The following TBC1D8 variants were observed in gnomAD, a reference collection of about 807,000 sequenced individuals.
TBC1D8 encodes TBC1 domain family member 8.
In TBC1D8, 65 loss-of-function variants were observed where a neutral mutation model predicts 118.8. The observed-to-expected ratio is 0.55, with a 90% CI of 0.45 to 0.67. The LOEUF (loss-of-function observed/expected upper bound fraction) is 0.67, where lower values mean the gene tolerates loss of function less well. Ranked by LOEUF, TBC1D8 falls within the 30% of genes least tolerant of loss-of-function variation. The pLI, the probability that TBC1D8 is intolerant of heterozygous loss-of-function variation, is 0.00. For missense variants in TBC1D8, 1,376 were observed against 1,471.2 expected, an observed-to-expected ratio of 0.94 and a Z score of 1.06; for synonymous variants, 566 against 595.8, an observed-to-expected ratio of 0.95 and a Z score of 0.73.
chr2:101,052,514 T>A (rs1290261291), intron 4 of TBC1D8, among the ~76,000 whole-genome samples: 2 of 151,596 alleles, frequency 1.3e-5, no homozygotes, highest in African/African-American at 2.4e-5. Context: ...TCTTGCTTTA[T>A]CACCCAGGCT....
intron 17 of TBC1D8, among the ~76,000 whole-genome samples, chr2:101,020,815 A>C (rs563308699): frequency 6.6e-6 from 1 of 152,296 alleles, no homozygotes; most frequent in African/African-American, 2.4e-5. Context: ...GCCAGACGTG[A>C]ATCCTCCCTT....
chr2:101,056,702 G>A (rs1003598656), intron 3 of TBC1D8, among the ~76,000 whole-genome samples: 17 of 152,146 alleles, frequency 1.1e-4, no homozygotes, highest in South Asian at 4.1e-4. Flanking sequence ...GAAGTGAGGC[G>A]TGGAGGGGTC....
At chr2:101,008,952 G>A (rs955564922) in intron 19 of TBC1D8, among the ~76,000 whole-genome samples, 1 of 152,202 alleles carries the variant, frequency 6.6e-6, no homozygotes, top group Non-Finnish European at 1.5e-5. Context: ...AGGCCATGCA[G>A]GACCTAAATG....
Position 101,014,236 on chromosome 2 carries a change from ATATTTTTCAAAATCT to A in TBC1D8, c.2828-2711_2828-2697del, listed in dbSNP as rs1446390662. ...AAGGAAGTTTATATTCTATGTTTCC[ATATTTTTCAAAATCT>A]TCTGTGGCATTTTAACTCAGGATCC... On this transcript the variant is annotated intron_variant, in intron 17 of 19. Coordinates refer to ENST00000409318, the MANE Select transcript of TBC1D8 (RefSeq NM_001330348.2). Among the ~76,000 whole-genome samples, 23 of 152,032 alleles carry A rather than the reference ATATTTTTCAAAATCT, an allele frequency of 1.5e-4. 1 individual carries two copies. The highest frequency in any genetic ancestry group is 1.1e-3 in the Admixed American group (17 of 15,262).
At chr2:101,062,148 A>G (rs1455169192) in intron 2 of TBC1D8, among the ~76,000 whole-genome samples, 31 of 152,192 alleles carry the variant, frequency 2.0e-4, no homozygotes, top group Admixed American at 2.0e-3. Flanking sequence ...GTGTCTCTCT[A>G]TCACATCACT....
chr2:101,018,072 G>T, intron 17 of TBC1D8: 1 of 775,586 alleles, frequency 1.3e-6, no homozygotes, highest in Non-Finnish European at 2.0e-6. Flanking sequence ...GACAATCTAG[G>T]CTAATGGGAC....
At chr2:101,009,220 T>C (rs1044185939) in intron 19 of TBC1D8, among the ~76,000 whole-genome samples, 6 of 151,974 alleles carry the variant, frequency 3.9e-5, no homozygotes, top group African/African-American at 1.5e-4. Context: ...CTGGCTAACA[T>C]GGTGAAACCC....
At chr2:101,128,940 T>C (rs543843206) in intron 1 of TBC1D8, among the ~76,000 whole-genome samples, 21 of 152,186 alleles carry the variant, frequency 1.4e-4, no homozygotes, top group East Asian at 3.9e-4. Flanking sequence ...GTGGTTACCA[T>C]AGAGGGAGGG....
At position 101,024,956 on chromosome 2, in the gene TBC1D8, A is replaced by G. The variant is rs111409662; in HGVS notation, c.2520+2427T>C. On this transcript the variant is annotated intron_variant, in intron 15 of 19. Coordinates refer to ENST00000409318, the MANE Select transcript of TBC1D8 (RefSeq NM_001330348.2). ...CTACAAGGAAACTGCAATCACTAAA[A>G]AAGTATGAGAAAAGATCTATAGATT... 6.1e-4 allele frequency among the ~76,000 whole-genome samples: 93 copies of G among 152,340 alleles called. 1 individual carries two copies. Among genetic ancestry groups the G allele is most frequent in the African/African-American group, 2.1e-3 (89 of 41,582 alleles).
At chr2:101,090,012 G>A (rs1480400459) in intron 2 of TBC1D8, among the ~76,000 whole-genome samples, 197 bp downstream of exon 2, 1 of 147,352 alleles carries the variant, frequency 6.8e-6, no homozygotes. Flanking sequence ...AAGGGGAGAG[G>A]AAGGAAGAGG....
chr2:101,147,339 G>A (rs976724394), intron 1 of TBC1D8, among the ~76,000 whole-genome samples: 4 of 152,096 alleles, frequency 2.6e-5, no homozygotes, highest in African/African-American at 7.2e-5. Flanking sequence ...CCCAGTAGCG[G>A]GACGGCAGGA....
chr2:101,027,252 A>G, intron 15 of TBC1D8, 131 bp downstream of exon 15: 1 of 748,416 alleles, frequency 1.3e-6, no homozygotes, highest in Non-Finnish European at 2.2e-6. Flanking sequence ...AGACAGCTTC[A>G]AGGGGGGCAG....
chr2:101,151,071 G>A (rs1679542603), intron 1 of TBC1D8, 56 bp downstream of exon 1: 1 of 668,090 alleles, frequency 1.5e-6, no homozygotes, highest in Non-Finnish European at 1.8e-6. Context: ...CCGCGGGCCC[G>A]GCGGGGTGCG....
intron 16 of TBC1D8, 47 bp from the exon 17 acceptor site, chr2:101,021,793 C>A: frequency 8.0e-7 from 1 of 1,253,414 alleles, no homozygotes; most frequent in South Asian, 1.3e-5. Flanking sequence ...GCTGAAAGTC[C>A]ATTTGTCAGG....
chr2:101,128,646 C>G (rs1678455794), intron 1 of TBC1D8, among the ~76,000 whole-genome samples: 1 of 152,234 alleles, frequency 6.6e-6, no homozygotes, highest in African/African-American at 2.4e-5. Context: ...CACCTGTTTT[C>G]ACGGCAGCAT....
intron 19 of TBC1D8, among the ~76,000 whole-genome samples, chr2:101,009,470 A>G (rs1486911948): frequency 6.6e-6 from 1 of 152,114 alleles, no homozygotes; most frequent in African/African-American, 2.4e-5. Context: ...TTGGGGGAAA[A>G]GATCCATGGT....
rs778432595 is a variant in TBC1D8 at position 101,028,190 on chromosome 2, C to T, written c.2353-44G>A. The T allele has an allele frequency of 1.9e-6, 3 of 1,609,970 alleles. 1 individual carries two copies. The South Asian group carries it at 3.3e-5, about 18-fold the overall frequency. ...CCACTTGCTCAGTCCCCTGCTCATC[C>T]AAAGTGTGGAAACAGGAAGTGGCCC... is the stretch of plus-strand genomic sequence containing the variant. On this transcript the variant is annotated intron_variant, in intron 13 of 19. Coordinates refer to ENST00000409318, the MANE Select transcript of TBC1D8 (RefSeq NM_001330348.2).
chr2:101,128,609 G>A (rs6732932), intron 1 of TBC1D8, among the ~76,000 whole-genome samples: 7 of 152,230 alleles, frequency 4.6e-5, no homozygotes, highest in African/African-American at 1.7e-4. Flanking sequence ...CCAAAAGTGA[G>A]AGCAGGATCT....
intron 1 of TBC1D8, among the ~76,000 whole-genome samples, chr2:101,119,970 T>C (rs946021464): frequency 2.6e-5 from 4 of 152,054 alleles, no homozygotes; most frequent in African/African-American, 9.7e-5. Flanking sequence ...TTGAAGATGC[T>C]CCCTCCACAG....
Sources: allele counts gnomAD v4.1 joint callset (sites outside exome capture counted in the v4.1 genomes callset), GRCh38; gene constraint gnomAD v4.1.1; transcripts MANE v1.5; gene names NCBI Gene and HGNC (gene_info 2026-07-23, HGNC 2026-07-21).